The following NKD2 variants were observed in gnomAD, a reference collection of about 807,000 sequenced individuals.
The protein encoded by NKD2 is NKD inhibitor of Wnt signaling pathway 2.
NKD2 carries 43 observed loss-of-function variants against 34.8 expected under a neutral mutation model. That is an observed-to-expected ratio of 1.24 (90% confidence interval 0.97 to 1.60). The LOEUF (loss-of-function observed/expected upper bound fraction) is 1.60. Ranked by LOEUF, NKD2 falls within the 40% of genes most tolerant of loss-of-function variation. The probability of loss-of-function intolerance (pLI) is 0.00; values close to 1 mark genes in which losing one functional copy is unlikely to be tolerated. For synonymous variants in NKD2, 278 were observed against 265.1 expected (o/e 1.05, Z -0.47); for missense variants, 675 against 627.1 (o/e 1.08, Z -0.82).
rs557002073 is a variant in NKD2, at chr5:1,033,068, C to T, written c.203-304C>T. Reference sequence around the variant, plus strand: ...GGCCCAATGATGACACAGGGAGCATCTCCTGGAGGCCCAGGCTATGTTCCC... The same window carrying T: ...GGCCCAATGATGACACAGGGAGCATTTCCTGGAGGCCCAGGCTATGTTCCC... On this transcript the variant is annotated intron_variant, in intron 4 of 9. Coordinates refer to ENST00000296849, the MANE Select transcript of NKD2 (RefSeq NM_033120.4). Among the ~76,000 whole-genome samples, 542 of 152,240 alleles carry T rather than the reference C, an allele frequency of 3.6e-3. 3 individuals are homozygous for T. Among genetic ancestry groups the T allele is most frequent in the Non-Finnish European group, 3.2e-3 (219 of 68,006 alleles).
chr5:1,037,206 G>T (rs990374405), intron 9 of NKD2, among the ~76,000 whole-genome samples: 1 of 152,152 alleles, frequency 6.6e-6, no homozygotes, highest in African/African-American at 2.4e-5. Context: ...GGAGATTCTT[G>T]TACCAAAGCC....
rs59263965 is a variant in NKD2, at chr5:1,013,011, G to C, written c.141+3451G>C. On this transcript the variant is annotated intron_variant, in intron 3 of 9. Transcript: ENST00000296849. ...ACATTTGCAGGAGAGACTCGGGCCA[G>C]TGCACGTGCGCCCAGAGACAAGGCA... Among the ~76,000 whole-genome samples the C allele has an allele frequency of 3.6e-3, 551 of 152,364 alleles. 4 individuals carry two copies. Among genetic ancestry groups the C allele is most frequent in the African/African-American group, 0.013 (525 of 41,564 alleles).
At chr5:1,019,699 T>C (rs4975578) in intron 3 of NKD2, among the ~76,000 whole-genome samples, 129,965 of 152,266 alleles carry the variant, frequency 0.85, 59,207 homozygotes, top group East Asian at 1. Flanking sequence ...CTGTTTCTCT[T>C]TGGTAAGGAC....
At chr5:1,011,384 A>G (rs1163230423) in intron 3 of NKD2, among the ~76,000 whole-genome samples, 2 of 152,092 alleles carry the variant, frequency 1.3e-5, no homozygotes, top group African/African-American at 4.8e-5. Flanking sequence ...GACAGATCCT[A>G]CTGACGTCCA....
At chr5:1,025,743 T>TA (rs201470866) in intron 3 of NKD2, among the ~76,000 whole-genome samples, 3 of 82,470 alleles carry the variant, frequency 3.6e-5, no homozygotes, top group African/African-American at 5.3e-5. Flanking sequence ...TCCCACCCGC[T>TA]GTGGGCGTCT....
Position 1,033,247 on chromosome 5 carries a change from C to T in NKD2, c.203-125C>T, listed in dbSNP as rs1443620581. ...TCCGCAGGGGTCCCAAGATCGGGCT[C>T]TCAGCTCAGGCCCGTCTGGACAGGA... On this transcript the variant is annotated intron_variant, in intron 4 of 9. Transcript: ENST00000296849. 6 of 960,706 alleles carry T rather than the reference C, an allele frequency of 6.2e-6. No individual in the cohort carries two copies. In the Admixed American group the frequency reaches 1.8e-4, roughly 28 times the overall value. 59.5% of individuals were successfully genotyped at this position (960,706 alleles called of 1,614,324 possible). A position where few individuals can be genotyped will look rare whatever the true frequency, so the allele number is the denominator to read the frequency against.
intron 9 of NKD2, chr5:1,037,520 G>T: frequency 2.0e-6 from 3 of 1,535,718 alleles, no homozygotes; most frequent in Non-Finnish European, 2.6e-6. Context: ...CCCCAAGCAG[G>T]GTCTCAGCTG....
intron 3 of NKD2, among the ~76,000 whole-genome samples, chr5:1,012,518 C>T (rs1019245747): frequency 6.6e-6 from 1 of 152,224 alleles, no homozygotes; most frequent in African/African-American, 2.4e-5. Context: ...GGAAGGGAGC[C>T]AGGAGGACCA....
chr5:1,019,775 A>C (rs992787911), intron 3 of NKD2, among the ~76,000 whole-genome samples: 1 of 151,410 alleles, frequency 6.6e-6, no homozygotes, highest in Admixed American at 6.6e-5. Flanking sequence ...GAAACGCGGC[A>C]GGGTTCTTTC....
chr5:1,032,244 A>T, intron 4 of NKD2, 32 bp downstream of exon 4: 1 of 1,560,538 alleles, frequency 6.4e-7, no homozygotes, highest in Non-Finnish European at 8.8e-7. Context: ...CTCCCTCCCC[A>T]AACTCACAGA....
intron 9 of NKD2, 91 bp from the exon 10 acceptor site, chr5:1,037,714 C>T (rs994529999): frequency 2.6e-6 from 4 of 1,553,068 alleles, no homozygotes; most frequent in Admixed American, 3.8e-5. Flanking sequence ...ACCCCTGGCG[C>T]AGCTCTTCCA....
chr5:1,038,150 C>T lies in NKD2; in HGVS notation c.1133C>T (p.Pro378Leu). 2 of 1,586,760 alleles carry T rather than the reference C, an allele frequency of 1.3e-6. 1 individual carries two copies. The highest frequency in any genetic ancestry group is 2.3e-5 in the South Asian group (2 of 88,368). Residue 378 changes from proline (P) to leucine (L), a missense_variant, in exon 10 of 10, where the codon CCA becomes CTA. Transcript: ENST00000296849. The surrounding 1 kb of genome is among the most constrained non-coding windows in gnomAD (Gnocchi z 4.5). ...CACCACCTCCCGCAGCCCCCACCGC[C>T]ACCCTACGGCCACAAGCGGTACCGC... ...DGHHLPQPPP[P>L]PYGHKRYRQK...
intron 9 of NKD2, chr5:1,037,465 C>G: frequency 1.3e-6 from 2 of 1,482,222 alleles, no homozygotes; most frequent in Non-Finnish European, 1.8e-6. Context: ...GGATGCGAAT[C>G]CTGGGGGCGC....
intron 3 of NKD2, among the ~76,000 whole-genome samples, chr5:1,013,168 A>G (rs374968363): frequency 2.0e-5 from 3 of 152,290 alleles, no homozygotes; most frequent in East Asian, 1.9e-4. Context: ...GGCAGCTTCC[A>G]AAGGGAGCAG....
At chr5:1,030,583 G>T (rs1223697977) in intron 3 of NKD2, among the ~76,000 whole-genome samples, 1 of 152,204 alleles carries the variant, frequency 6.6e-6, no homozygotes, top group Non-Finnish European at 1.5e-5. Flanking sequence ...GGGTTTTAGA[G>T]ATGATTTGGT....
At chr5:1,035,312 T>G (rs149073157) in intron 7 of NKD2, 77 bp from the exon 8 acceptor site, 188 of 1,112,166 alleles carry the variant, frequency 1.7e-4, no homozygotes, top group Non-Finnish European at 2.2e-4. Context: ...GTGAGTGAGT[T>G]AATGAATGAG....
At chr5:1,030,488 A>G (rs1756601622) in intron 3 of NKD2, among the ~76,000 whole-genome samples, 1 of 152,182 alleles carries the variant, frequency 6.6e-6, no homozygotes, top group Non-Finnish European at 1.5e-5. Context: ...GGCTCTGGGC[A>G]CTGCTCTGCA....
In NKD2 at chr5:1,038,330, A is replaced by T; in HGVS notation, c.1313A>T (p.Glu438Val). The T allele has an allele frequency of 6.5e-7, 1 of 1,532,468 alleles. No homozygotes were observed. The highest frequency in any genetic ancestry group is 8.7e-7 in the Non-Finnish European group (1 of 1,144,700). 94.9% of individuals were successfully genotyped at this position (1,532,468 alleles called of 1,614,324 possible). ...IQRHEHHHHHEHHHHHHHHHF... is the reference protein window; with the variant it reads ...IQRHEHHHHHVHHHHHHHHHF... Reference sequence around the variant, plus strand: ...CGGCACGAGCACCACCACCACCACGAGCACCACCACCACCACCACCACCAC... The same window carrying T: ...CGGCACGAGCACCACCACCACCACGTGCACCACCACCACCACCACCACCAC... The change falls in exon 10 of 10, where the codon GAG (glutamate) becomes GTG (valine). Residue 438 changes from glutamate to valine, a missense_variant. Glu to Val is a moderately radical substitution (Grantham distance 121). Transcript: ENST00000296849. The surrounding 1 kb of genome is among the most constrained non-coding windows in gnomAD (Gnocchi z 4.5).
At chr5:1,027,216 C>T (rs1441450459) in intron 3 of NKD2, among the ~76,000 whole-genome samples, 1 of 152,258 alleles carries the variant, frequency 6.6e-6, no homozygotes, top group African/African-American at 2.4e-5. Flanking sequence ...GGGCCGTCCC[C>T]ACCACAGTGC....
Sources: gnomAD v4.1 joint callset for allele counts (sites outside exome capture counted in the v4.1 genomes callset) on GRCh38, gnomAD v4.1.1 for gene constraint, Gnocchi (gnomAD v3.1) non-coding constraint, MANE v1.5 for transcripts, NCBI Gene and HGNC (gene_info 2026-07-23, HGNC 2026-07-21) for gene names.